The following TENM3 variants were observed in gnomAD, a reference collection of about 807,000 sequenced individuals.
The protein encoded by TENM3 is teneurin-3.
A neutral mutation model predicts 255.1 loss-of-function variants in TENM3; 63 were observed. The observed-to-expected ratio is 0.25, with a 90% CI of 0.20 to 0.30. TENM3 has a LOEUF of 0.30. Among genes scored for constraint, TENM3 ranks in the 10% least tolerant of loss-of-function variants. The pLI, the probability that TENM3 is intolerant of heterozygous loss-of-function variation, is 1.00. For missense variants in TENM3, 2,929 were observed against 3,461.1 expected (o/e 0.85, Z 3.86); for synonymous variants, 1,306 against 1,322.3 (o/e 0.99, Z 0.27).
At chr4:182,448,818 A>T (rs1773167630) in intron 3 of TENM3, among the ~76,000 whole-genome samples, 1 of 148,718 alleles carries the variant, frequency 6.7e-6, no homozygotes, top group Non-Finnish European at 1.5e-5. Flanking sequence ...GGGTGAGGCG[A>T]GGGGGTGAGG....
intron 1 of TENM3, among the ~76,000 whole-genome samples, chr4:182,281,529 G>GC (rs1760382798): frequency 6.6e-6 from 1 of 151,478 alleles, no homozygotes; most frequent in Admixed American, 6.6e-5. Context: ...GGTGGTGGTG[G>GC]TTTTTTTTGA....
chr4:181,673,880 G>A, the TENM3 span, among the ~76,000 whole-genome samples: 1 of 148,538 alleles, frequency 6.7e-6, no homozygotes, highest in Non-Finnish European at 1.5e-5. Flanking sequence ...GTGTGTGTGT[G>A]TGTGTGTGTG....
At chr4:182,102,535 T>C in the TENM3 span, among the ~76,000 whole-genome samples, 6 of 152,216 alleles carry the variant, frequency 3.9e-5, no homozygotes, top group Non-Finnish European at 7.3e-5. Context: ...AATCTCATCT[T>C]ATCAAATGAC....
At chr4:182,350,692 T>G (rs1765108113) in intron 3 of TENM3, among the ~76,000 whole-genome samples, 1 of 152,198 alleles carries the variant, frequency 6.6e-6, no homozygotes, top group Admixed American at 6.5e-5. Flanking sequence ...TGTTTTGTTT[T>G]GTTTTGTTTT....
chr4:182,075,776 C>T, the TENM3 span, among the ~76,000 whole-genome samples: 1 of 152,172 alleles, frequency 6.6e-6, no homozygotes. Context: ...CTGCATAGTG[C>T]CTGCCGTCTC....
intron 1 of TENM3, among the ~76,000 whole-genome samples, chr4:182,165,914 G>A (rs1195636921): frequency 6.6e-6 from 1 of 152,084 alleles, no homozygotes; most frequent in Non-Finnish European, 1.5e-5. Context: ...GAGTAGCTGG[G>A]ATTACAGGCG....
At chr4:181,462,581 A>G in the TENM3 span, among the ~76,000 whole-genome samples, 1 of 152,176 alleles carries the variant, frequency 6.6e-6, no homozygotes, top group Admixed American at 6.6e-5. Context: ...TGGTTTTCAA[A>G]TTTTTTAAAG....
chr4:182,341,266 TATC>T lies in TENM3; in HGVS notation c.233-5382_233-5380del, dbSNP rs1410928780. On this transcript the variant is annotated intron_variant, in intron 2 of 27. Coordinates refer to ENST00000511685, the MANE Select transcript of TENM3 (RefSeq NM_001080477.4). ...TATGTTTTTAAATTATTGAAATAAT[TATC>T]ATGAGAAGTAAAAATTCAAAACTAT... 3.3e-5 allele frequency among the ~76,000 whole-genome samples: 5 copies of T among 152,292 alleles called. No individual in the cohort carries two copies. In the South Asian group the frequency reaches 6.2e-4, roughly 19 times the overall value.
chr4:182,339,512 T>A (rs1580212838), intron 2 of TENM3, among the ~76,000 whole-genome samples: 1 of 152,190 alleles, frequency 6.6e-6, no homozygotes, highest in East Asian at 1.9e-4. Context: ...CCAACCTGCT[T>A]TGTGGATTAC....
the TENM3 span, chr4:181,821,741 A>T: frequency 2.0e-5 from 3 of 152,166 alleles, no homozygotes; most frequent in African/African-American, 7.2e-5. Context: ...ATTACTCAGA[A>T]GATTTGAACC....
At chr4:181,539,150 G>A in the TENM3 span, among the ~76,000 whole-genome samples, 1 of 152,032 alleles carries the variant, frequency 6.6e-6, no homozygotes, top group Non-Finnish European at 1.5e-5. Flanking sequence ...GTAATATATT[G>A]TCAAATAATT....
the TENM3 span, among the ~76,000 whole-genome samples, chr4:181,705,793 G>A: frequency 3.9e-5 from 6 of 152,050 alleles, no homozygotes; most frequent in East Asian, 1.9e-4. Flanking sequence ...CATTTTACCT[G>A]ATCTCCCCTC....
At chr4:181,723,030 A>G in the TENM3 span, among the ~76,000 whole-genome samples, 1 of 152,120 alleles carries the variant, frequency 6.6e-6, no homozygotes, top group Non-Finnish European at 1.5e-5. Context: ...TCAGGACTTA[A>G]TTACAGCACA....
At chr4:182,242,061 T>G (rs1757310062), upstream of TENM3, among the ~76,000 whole-genome samples, 1 of 62,014 alleles carries the variant, frequency 1.6e-5, no homozygotes, top group Non-Finnish European at 2.9e-5. Flanking sequence ...CTAGGGTACA[T>G]GTGCACAAGG....
At chr4:182,002,540 C>A in the TENM3 span, among the ~76,000 whole-genome samples, 1 of 152,178 alleles carries the variant, frequency 6.6e-6, no homozygotes, top group Middle Eastern at 3.4e-3. Context: ...GGTAATACTG[C>A]CTTTCACTAG....
chr4:182,537,752 A>G (rs550065723), intron 3 of TENM3, among the ~76,000 whole-genome samples: 6 of 152,206 alleles, frequency 3.9e-5, no homozygotes, highest in East Asian at 1.9e-4. Context: ...TTAATTTTCT[A>G]TCAGGTTTCT....
At chr4:181,511,887 A>G in the TENM3 span, among the ~76,000 whole-genome samples, 1 of 152,062 alleles carries the variant, frequency 6.6e-6, no homozygotes, top group Non-Finnish European at 1.5e-5. Context: ...AAATTGGCCT[A>G]CATTCCAGAG....
chr4:182,118,972 G>A, the TENM3 span, among the ~76,000 whole-genome samples: 3 of 152,284 alleles, frequency 2.0e-5, no homozygotes, highest in East Asian at 1.9e-4. Flanking sequence ...GGCCATTAGC[G>A]ATGTGGTGGT....
chr4:181,886,203 C>T, the TENM3 span, among the ~76,000 whole-genome samples: 1 of 152,084 alleles, frequency 6.6e-6, no homozygotes, highest in African/African-American at 2.4e-5. Flanking sequence ...CAGGCGCGTG[C>T]CACCACACCC....
Sources: allele counts gnomAD v4.1 joint callset (sites outside exome capture counted in the v4.1 genomes callset), GRCh38; gene constraint gnomAD v4.1.1; transcripts MANE v1.5; gene names NCBI Gene and HGNC (gene_info 2026-07-23, HGNC 2026-07-21).